Variants in STAMBP observed in about 807,000 individuals in gnomAD.
STAMBP encodes STAM-binding protein.
STAMBP carries 31 observed loss-of-function variants against 50.7 expected under a neutral mutation model. The ratio of observed to expected loss-of-function variants is 0.61; its 90% CI spans 0.46 to 0.83. The LOEUF is 0.83. STAMBP is among the 40% of genes least tolerant of loss of function. STAMBP has a pLI of 0.00. For missense variants in STAMBP, 472 were observed against 518.9 expected, an observed-to-expected ratio of 0.91 and a Z score of 0.88; for synonymous variants, 211 against 192.4, an observed-to-expected ratio of 1.10 and a Z score of -0.80.
At chr2:73,830,376 A>G (rs1217546858) in intron 1 of STAMBP, among the ~76,000 whole-genome samples, 1 of 152,262 alleles carries the variant, frequency 6.6e-6, no homozygotes, top group Non-Finnish European at 1.5e-5. Flanking sequence ...AGATTAAGTA[A>G]AAATGGTCAA....
At chr2:73,845,379 G>T (rs970861417) in intron 4 of STAMBP, 117 bp downstream of exon 4, 3 of 724,622 alleles carry the variant, frequency 4.1e-6, no homozygotes, top group Non-Finnish European at 4.6e-6. Flanking sequence ...ACCTTTTTTG[G>T]GCAAAGACCA....
chr2:73,835,764 G>T (rs1392119947), intron 2 of STAMBP, among the ~76,000 whole-genome samples: 2 of 152,192 alleles, frequency 1.3e-5, no homozygotes, highest in African/African-American at 4.8e-5. Context: ...GCCCTCTAAA[G>T]AGGGCTGGGT....
chr2:73,830,818 T>G, intron 1 of STAMBP, 27 bp from the exon 2 acceptor site: 1 of 1,575,440 alleles, frequency 6.3e-7, no homozygotes, highest in Non-Finnish European at 8.7e-7. Context: ...GCAACGGTAT[T>G]GATGCCATCT....
chr2:73,855,019 C>T lies in STAMBP; in HGVS notation c.1006-4235C>T, dbSNP rs116372101. 2.4e-3 allele frequency among the ~76,000 whole-genome samples: 370 copies of T among 152,092 alleles called. 2 individuals are homozygous for T. The highest frequency in any genetic ancestry group is 0.018 in the South Asian group (86 of 4,814). On this transcript the variant is annotated intron_variant, in intron 7 of 9. Coordinates refer to ENST00000394070, the MANE Select transcript of STAMBP (RefSeq NM_213622.4). ...TCTCAAAAACAAACGAAAAGCAGAC[C>T]GAAAGATTTATTCAGATCTTAAAAT...
chr2:73,854,202 A>G (rs912613954), intron 7 of STAMBP, among the ~76,000 whole-genome samples: 3 of 152,212 alleles, frequency 2.0e-5, no homozygotes, highest in African/African-American at 7.2e-5. Context: ...AGATCCAGAG[A>G]GATTTTTGAA....
At chr2:73,832,300 C>A (rs925587847) in intron 2 of STAMBP, among the ~76,000 whole-genome samples, 1 of 151,410 alleles carries the variant, frequency 6.6e-6, no homozygotes, top group Non-Finnish European at 1.5e-5. Flanking sequence ...ACTAAAAATA[C>A]AAAAATTAGT....
At chr2:73,853,393 A>T (rs1677107463) in intron 7 of STAMBP, among the ~76,000 whole-genome samples, 1 of 152,190 alleles carries the variant, frequency 6.6e-6, no homozygotes, top group Non-Finnish European at 1.5e-5. Flanking sequence ...TTTTGATGAA[A>T]TATAACACAT....
chr2:73,836,454 C>T (rs1197510953), intron 2 of STAMBP, among the ~76,000 whole-genome samples: 1 of 152,228 alleles, frequency 6.6e-6, no homozygotes, highest in Non-Finnish European at 1.5e-5. Flanking sequence ...ACAGACCCCT[C>T]TGGTGCCATT....
chr2:73,871,100 AT>A (rs1178731838), downstream of STAMBP, among the ~76,000 whole-genome samples: 2 of 152,138 alleles, frequency 1.3e-5, no homozygotes, highest in Non-Finnish European at 2.9e-5. Flanking sequence ...TAATTGAACC[AT>A]AGTAAATGCA....
intron 2 of STAMBP, among the ~76,000 whole-genome samples, chr2:73,835,808 T>C (rs1231020776): frequency 6.6e-6 from 1 of 152,132 alleles, no homozygotes; most frequent in African/African-American, 2.4e-5. Flanking sequence ...GTTTGGGGTT[T>C]TTTTGACATG....
chr2:73,856,383 A>G (rs73948200), intron 7 of STAMBP, among the ~76,000 whole-genome samples: 5,608 of 152,340 alleles, frequency 0.037, 123 homozygotes, highest in Middle Eastern at 0.082. Context: ...GACTTCCACC[A>G]TGTTGAAATA....
chr2:73,849,895 A>G (rs375314211), intron 6 of STAMBP, among the ~76,000 whole-genome samples: 1 of 152,190 alleles, frequency 6.6e-6, no homozygotes, highest in Non-Finnish European at 1.5e-5. Flanking sequence ...TATGTACAGT[A>G]TAAGTATTGG....
chr2:73,840,420 C>T (rs1675242571), intron 2 of STAMBP, among the ~76,000 whole-genome samples: 1 of 144,892 alleles, frequency 6.9e-6, no homozygotes, highest in African/African-American at 2.6e-5. Context: ...AGGATAAATT[C>T]CTAGAGATAG....
chr2:73,847,715 G>A lies in STAMBP; in HGVS notation c.704G>A (p.Arg235Lys). 1 of 1,614,064 alleles carries A rather than the reference G, an allele frequency of 6.2e-7. No individual in the cohort carries two copies. Among genetic ancestry groups the A allele is most frequent in the Non-Finnish European group, 8.5e-7 (1 of 1,180,000 alleles). ...VRPAKPPVVD[R>K]SLKPGALSNS... is the part of the protein sequence containing the mutation. ...CCAGCTAAGCCACCTGTGGTGGACAGGTCCTTGAAACCTGGAGCACTGAGC... is the reference window on the plus strand; with the variant it reads ...CCAGCTAAGCCACCTGTGGTGGACAAGTCCTTGAAACCTGGAGCACTGAGC... Residue 235 changes from arginine (R) to lysine (K), a missense_variant, in exon 5 of 10, where the codon AGG becomes AAG. Transcript: ENST00000394070.
At chr2:73,831,898 T>G (rs1673973915) in intron 2 of STAMBP, among the ~76,000 whole-genome samples, 1 of 152,018 alleles carries the variant, frequency 6.6e-6, no homozygotes, top group African/African-American at 2.4e-5. Context: ...ATGCTCATGT[T>G]TGAAGTGACA....
At position 73,849,423 on chromosome 2, in the gene STAMBP, TCCAGTTAG is replaced by T; in HGVS notation, c.809_816del (p.Leu270CysfsTer21). ...CCTGGGCGGCTGTGCCCACAGTTTC[TCCAGTTAG>T]CCAGTGCCAACACTGCCCGGGGAGT... On this transcript the variant is annotated frameshift_variant, in exon 6 of 10. Coordinates refer to ENST00000394070, the MANE Select transcript of STAMBP (RefSeq NM_213622.4). LOFTEE classifies it high-confidence loss of function. The T allele has an allele frequency of 6.2e-7, 1 of 1,613,980 alleles. No individual in the cohort carries two copies. Among genetic ancestry groups the T allele is most frequent in the Non-Finnish European group, 8.5e-7 (1 of 1,179,944 alleles).
At chr2:73,836,213 C>T (rs192891859) in intron 2 of STAMBP, among the ~76,000 whole-genome samples, 106 of 152,368 alleles carry the variant, frequency 7.0e-4, no homozygotes, top group African/African-American at 1.9e-3. Flanking sequence ...GTGCTTTCCC[C>T]GTGTGAAGGA....
chr2:73,861,668 G>A (rs904339944), intron 9 of STAMBP, among the ~76,000 whole-genome samples: 116 of 150,548 alleles, frequency 7.7e-4, no homozygotes, highest in African/African-American at 2.6e-3. Context: ...ACAGGTGCGC[G>A]CCGCCACACC....
chr2:73,852,845 T>TTGTG (rs55727735), intron 7 of STAMBP, among the ~76,000 whole-genome samples: 13,797 of 127,512 alleles, frequency 0.11, 943 homozygotes, highest in African/African-American at 0.16. Context: ...GCCTGGCTAA[T>TTGTG]TGTGTGTGTG....
Sources: allele counts gnomAD v4.1 joint callset (sites outside exome capture counted in the v4.1 genomes callset), GRCh38; gene constraint gnomAD v4.1.1; transcripts MANE v1.5; gene names NCBI Gene and HGNC (gene_info 2026-07-23, HGNC 2026-07-21).